Variants in SMARCB1 observed in about 807,000 individuals in gnomAD.
The protein encoded by SMARCB1 is SWI/SNF-related matrix-associated actin-dependent regulator of chromatin subfamily B member 1.
In SMARCB1, 5 loss-of-function variants were observed where a neutral mutation model predicts 49.0. That is an observed-to-expected ratio of 0.10 (90% CI 0.05 to 0.21). The LOEUF (loss-of-function observed/expected upper bound fraction) is 0.21, where lower values mean the gene tolerates loss of function less well. SMARCB1 is among the 10% of genes least tolerant of loss of function. SMARCB1 has a pLI of 1.00. For missense variants in SMARCB1, 226 were observed against 509.2 expected (o/e 0.44, Z 5.35); for synonymous variants, 201 against 200.1 (o/e 1.00, Z -0.04).
chr22:23,789,657 G>A (rs1928250380), intron 1 of SMARCB1, among the ~76,000 whole-genome samples: 1 of 152,320 alleles, frequency 6.6e-6, no homozygotes, highest in East Asian at 1.9e-4. Context: ...GGGCCTCCCA[G>A]TAAGAATAAT....
chr22:23,793,299 C>T (rs997518325), intron 2 of SMARCB1: 2 of 543,666 alleles, frequency 3.7e-6, no homozygotes, highest in African/African-American at 3.8e-5. Flanking sequence ...CTGAGCACTT[C>T]CCTCTGCCCC....
chr22:23,821,275 G>A (rs548369579), intron 6 of SMARCB1, among the ~76,000 whole-genome samples: 1 of 152,238 alleles, frequency 6.6e-6, no homozygotes, highest in African/African-American at 2.4e-5. Context: ...TGTGTTATGT[G>A]GGACAGACTG....
intron 5 of SMARCB1, among the ~76,000 whole-genome samples, chr22:23,813,748 GA>G (rs1366198949): frequency 6.6e-6 from 1 of 152,114 alleles, no homozygotes; most frequent in African/African-American, 2.4e-5. Flanking sequence ...ATCCCAGCAA[GA>G]TTTTTTTTGT....
At chr22:23,800,716 C>T (rs1929084652) in intron 3 of SMARCB1, among the ~76,000 whole-genome samples, 1 of 152,174 alleles carries the variant, frequency 6.6e-6, no homozygotes, top group South Asian at 2.1e-4. Context: ...ACACCATGGC[C>T]GTGCTGTGTC....
At chr22:23,801,217 T>A (rs1929135261) in intron 4 of SMARCB1, 136 bp downstream of exon 4, 1 of 1,228,292 alleles carries the variant, frequency 8.1e-7, no homozygotes, top group Admixed American at 1.9e-5. Flanking sequence ...CCTCCTCGCC[T>A]TTGAACTGTT....
chr22:23,832,956 G>C (rs1427010842), intron 7 of SMARCB1, among the ~76,000 whole-genome samples: 2 of 152,074 alleles, frequency 1.3e-5, no homozygotes, highest in East Asian at 3.9e-4. Context: ...TACGGCTTCT[G>C]TCCAGCTCCC....
Position 23,836,758 on chromosome 22 carries a change from T to C in SMARCB1, c.*2578T>C, listed in dbSNP as rs1410493334. ...CTGCAGCTCATTCTGTTTATTCAGG[T>C]GGGCCCTTGCATGGGCCCAGCCTTT... On this transcript the variant is annotated 3_prime_UTR_variant, in exon 9 of 9. Coordinates refer to ENST00000644036, the MANE Select transcript of SMARCB1 (RefSeq NM_003073.5). The C allele has an allele frequency of 7.2e-7, 1 of 1,390,432 alleles. No individual in the cohort carries two copies. Among genetic ancestry groups the C allele is most frequent in the Non-Finnish European group, 9.3e-7 (1 of 1,075,008 alleles). The allele number at this position is 1,390,432 out of a possible 1,614,324, so 86.1% of individuals were successfully genotyped here.
At chr22:23,805,659 C>T (rs553521879) in intron 5 of SMARCB1, among the ~76,000 whole-genome samples, 1 of 152,260 alleles carries the variant, frequency 6.6e-6, no homozygotes, top group South Asian at 2.1e-4. Flanking sequence ...GCATGCGCCA[C>T]CATGCCTGGC....
chr22:23,833,212 G>T (rs1568962558), intron 7 of SMARCB1, among the ~76,000 whole-genome samples: 1 of 152,140 alleles, frequency 6.6e-6, no homozygotes, highest in Non-Finnish European at 1.5e-5. Context: ...GCCCCTATAG[G>T]TTCCACCTCC....
At chr22:23,796,031 A>G (rs968749402) in intron 3 of SMARCB1, among the ~76,000 whole-genome samples, 4 of 152,048 alleles carry the variant, frequency 2.6e-5, no homozygotes, top group Admixed American at 1.3e-4. Flanking sequence ...GACCTCAGGT[A>G]ATCCTCCCGC....
rs1555875346 is a variant in SMARCB1 at position 23,787,366 on chromosome 22, G to GGCGGGCGGGCGGGCGGGCGGGC, written c.93+107_93+108insGGCGGGCGGGCGGGCGGGCGCG. The GGCGGGCGGGCGGGCGGGCGGGC allele has an allele frequency of 3.8e-5, 18 of 477,724 alleles. No homozygotes were observed. The African/African-American group carries it at 4.6e-4, about 12-fold the overall frequency. The allele number at this position is 477,724 out of a possible 1,614,324, so 29.6% of individuals were successfully genotyped here. A position where few individuals can be genotyped will look rare whatever the true frequency, so the allele number is the denominator to read the frequency against. On this transcript the variant is annotated intron_variant, in intron 1 of 8. Transcript: ENST00000644036. ...GCGTCTCCATTCATCGGGGCGGGCG[G>GGCGGGCGGGCGGGCGGGCGGGC]GCGCGCGCGCGCGCGCTCGGGGCTG...
Position 23,835,187 on chromosome 22 carries a change from A to G in SMARCB1, c.*1007A>G, listed in dbSNP as rs781658336. On this transcript the variant is annotated 3_prime_UTR_variant, in exon 9 of 9. Coordinates refer to ENST00000644036, the MANE Select transcript of SMARCB1 (RefSeq NM_003073.5). ...GAGACACAGCCCAGGGTCCCTTCCC[A>G]GCCCTGCCTCCAAGGAGTTCATGTC... The G allele has an allele frequency of 2.4e-5, 30 of 1,276,210 alleles. No homozygotes were observed. Among genetic ancestry groups the G allele is most frequent in the Non-Finnish European group, 2.9e-5 (29 of 1,013,342 alleles). 79.1% of individuals were successfully genotyped at this position (1,276,210 alleles called of 1,614,324 possible). A position where few individuals can be genotyped will look rare whatever the true frequency, so the allele number is the denominator to read the frequency against.
intron 5 of SMARCB1, among the ~76,000 whole-genome samples, chr22:23,808,629 AAAG>A (rs1818883928): frequency 6.6e-6 from 1 of 152,040 alleles, no homozygotes; most frequent in African/African-American, 2.4e-5. Flanking sequence ...TACTGAAAGA[AAAG>A]AACTGTTAAT....
At chr22:23,796,585 T>C (rs564150371) in intron 3 of SMARCB1, among the ~76,000 whole-genome samples, 1 of 152,318 alleles carries the variant, frequency 6.6e-6, no homozygotes, top group South Asian at 2.1e-4. Context: ...GGCTGGCCAG[T>C]GTTACAGACG....
In SMARCB1 at chr22:23,834,401, CTG is replaced by C. The variant is rs1377812923; in HGVS notation, c.*222_*223del. On this transcript the variant is annotated 3_prime_UTR_variant, in exon 9 of 9. Coordinates refer to ENST00000644036, the MANE Select transcript of SMARCB1 (RefSeq NM_003073.5). ...CACCCTCCCTACCCCTCCCCAGTCT[CTG>C]GGGTCAGGAAGAAACCTTATTTTAG... 4 of 684,256 alleles carry C rather than the reference CTG, an allele frequency of 5.8e-6. No individual in the cohort carries two copies. Among genetic ancestry groups the C allele is most frequent in the Non-Finnish European group, 1.1e-5 (4 of 377,026 alleles). 42.4% of individuals were successfully genotyped at this position (684,256 alleles called of 1,614,324 possible). A position where few individuals can be genotyped will look rare whatever the true frequency, so the allele number is the denominator to read the frequency against.
chr22:23,791,651 A>G, intron 1 of SMARCB1, 105 bp from the exon 2 acceptor site: 1 of 1,123,812 alleles, frequency 8.9e-7, no homozygotes, highest in Non-Finnish European at 1.3e-6. Context: ...CCTGGGGGCC[A>G]CCTCAAGGCC....
At chr22:23,803,083 T>C (rs1360303107) in intron 4 of SMARCB1, 1 of 660,458 alleles carries the variant, frequency 1.5e-6, no homozygotes, top group East Asian at 2.6e-5. Context: ...GCAGACAGAC[T>C]GGTGCTTGTT....
At position 23,825,588 on chromosome 22, in the gene SMARCB1, G is replaced by T. The variant is rs2030341990; in HGVS notation, c.986+173G>T. ...CTCCTGCCCTATGTATCTCTCCAGG[G>T]CTCCGCTGTGCCAGGTAGGGTTAGA... On this transcript the variant is annotated intron_variant, in intron 7 of 8. Coordinates refer to ENST00000644036, the MANE Select transcript of SMARCB1 (RefSeq NM_003073.5). The T allele has an allele frequency of 1.3e-5, 8 of 618,466 alleles. No individual in the cohort carries two copies. In the South Asian group the frequency reaches 1.6e-4, roughly 12 times the overall value. 38.3% of individuals were successfully genotyped at this position (618,466 alleles called of 1,614,324 possible). A position where few individuals can be genotyped will look rare whatever the true frequency, so the allele number is the denominator to read the frequency against.
chr22:23,832,119 C>T (rs974678448), intron 7 of SMARCB1, among the ~76,000 whole-genome samples: 15 of 152,260 alleles, frequency 9.9e-5, no homozygotes, highest in South Asian at 4.1e-4. Context: ...CAACCTGGAA[C>T]GGGCTCACGG....
Sources: allele counts gnomAD v4.1 joint callset (sites outside exome capture counted in the v4.1 genomes callset), GRCh38; gene constraint gnomAD v4.1.1; transcripts MANE v1.5; gene names NCBI Gene and HGNC (gene_info 2026-07-23, HGNC 2026-07-21).